PSG11: variants seen among roughly 807,000 people sequenced by gnomAD.
PSG11 encodes pregnancy specific beta-1-glycoprotein 11.
PSG11 carries 42 observed loss-of-function variants against 36.0 expected under a neutral mutation model. That is an observed-to-expected ratio of 1.17 (90% CI 0.91 to 1.51). The LOEUF (loss-of-function observed/expected upper bound fraction) is 1.51, where lower values mean the gene tolerates loss of function less well. Among genes scored for constraint, PSG11 ranks in the 40% most tolerant of loss-of-function variants. The pLI is 0.00. For synonymous variants in PSG11, 206 were observed against 153.5 expected, an observed-to-expected ratio of 1.34 and a Z score of -2.53; for missense variants, 558 against 403.5, an observed-to-expected ratio of 1.38 and a Z score of -3.28.
intron 2 of PSG11, 188 bp downstream of exon 2, chr19:43,024,503 C>A (rs1238127855): frequency 2.7e-6 from 3 of 1,110,106 alleles, no homozygotes; most frequent in Middle Eastern, 2.7e-4. Context: ...GGTCTGGATG[C>A]GGGAAAGGAA....
intron 3 of PSG11, chr19:43,018,525 C>T (rs1967021496): frequency 1.1e-6 from 1 of 909,650 alleles, no homozygotes; most frequent in Non-Finnish European, 1.6e-6. Context: ...CTGAGACATT[C>T]ACCTGTTTCT....
chr19:43,020,952 G>A (rs1438544067), intron 2 of PSG11, among the ~76,000 whole-genome samples: 32 of 151,376 alleles, frequency 2.1e-4, no homozygotes, highest in Admixed American at 2.1e-3. Context: ...AGGAGTCTAA[G>A]TGAGATGCCA....
intron 3 of PSG11, 115 bp from the exon 4 acceptor site, chr19:43,015,485 C>A (rs1966939473): frequency 1.4e-6 from 2 of 1,391,498 alleles, no homozygotes; most frequent in Non-Finnish European, 2.0e-6. Flanking sequence ...AAGTCCCAGC[C>A]AAACCCCCTC....
intron 2 of PSG11, among the ~76,000 whole-genome samples, chr19:43,022,408 C>G (rs1008281273): frequency 6.6e-6 from 1 of 151,190 alleles, no homozygotes; most frequent in Admixed American, 6.6e-5. Context: ...TCCCTCCGCC[C>G]GCATGATTCC....
chr19:43,015,962 T>G, intron 3 of PSG11: 13 of 1,610,084 alleles, frequency 8.1e-6, no homozygotes, highest in Non-Finnish European at 1.1e-5. Flanking sequence ...TTCTCACTCT[T>G]AGGTTCACAG....
chr19:43,010,641 C>G (rs1156263055), intron 4 of PSG11: 10 of 280,686 alleles, frequency 3.6e-5, no homozygotes, highest in Non-Finnish European at 6.9e-5. Flanking sequence ...CTTTCTCTTT[C>G]TTTTTCACAG....
At position 43,019,694 on chromosome 19, in the gene PSG11, G is replaced by T. The variant is rs966056685; in HGVS notation, c.431-646C>A. On this transcript the variant is annotated intron_variant, in intron 2 of 5. Transcript: ENST00000320078. ...TGAGCCAGTGACCTCTAAAGATAGA[G>T]CAGAGTCCAAGGAATGACCTACAAA... 12 of 154,790 alleles carry T rather than the reference G, an allele frequency of 7.8e-5. 1 individual carries two copies. The highest frequency in any genetic ancestry group is 3.1e-4 in the Admixed American group (5 of 16,162). 9.6% of individuals were successfully genotyped at this position (154,790 alleles called of 1,614,324 possible). A position where few individuals can be genotyped will look rare whatever the true frequency, so the allele number is the denominator to read the frequency against.
rs956105654 is a variant in PSG11, at chr19:43,007,787, T to C, written c.*296A>G. On this transcript the variant is annotated 3_prime_UTR_variant, in exon 6 of 6. Transcript: ENST00000320078. The stretch of plus-strand genomic sequence containing the variant: ...TACAAAAGTATACTTTACCAATTGC[T>C]GAAGAAAAAAATTCATAAATCTGGA... 59 of 275,370 alleles carry C rather than the reference T, an allele frequency of 2.1e-4. 1 individual carries two copies. Among genetic ancestry groups the C allele is most frequent in the Admixed American group, 1.1e-4 (2 of 18,358 alleles). 17.1% of individuals were successfully genotyped at this position (275,370 alleles called of 1,614,324 possible).
chr19:43,020,009 T>C (rs991124031), intron 2 of PSG11, among the ~76,000 whole-genome samples: 1 of 151,282 alleles, frequency 6.6e-6, no homozygotes, highest in Non-Finnish European at 1.5e-5. Flanking sequence ...ACCCTCTGAT[T>C]CTGAGTTTGA....
chr19:43,014,263 T>C, intron 4 of PSG11: 2 of 781,890 alleles, frequency 2.6e-6, no homozygotes, highest in Non-Finnish European at 3.1e-6. Flanking sequence ...ATATATATAG[T>C]GTCTGGTAGT....
rs1269574093 is a variant in PSG11 at position 43,024,724 on chromosome 19, C to G, written c.397G>C (p.Gly133Arg). ...HIIKRGDGTR[G>R]VTGYFTFTLY... The stretch of plus-strand genomic sequence containing the variant: ...GTGAAGGTGAAATATCCAGTTACTC[C>G]TCTAGTCCCATCACCTCGCTTTATG... The change falls in exon 2 of 6, where the codon GGA becomes CGA. Residue 133 changes from glycine (G) to arginine (R), a missense_variant. Physicochemically the swap from Gly to Arg is moderately radical, Grantham distance 125. Transcript: ENST00000320078. 2 of 1,611,428 alleles carry G rather than the reference C, an allele frequency of 1.2e-6. No homozygotes were observed. The highest frequency in any genetic ancestry group is 1.7e-6 in the Non-Finnish European group (2 of 1,178,808).
chr19:43,015,893 G>A (rs1481611500), intron 3 of PSG11: 19 of 1,610,010 alleles, frequency 1.2e-5, no homozygotes, highest in Admixed American at 5.0e-5. Context: ...TCAATGGGTC[G>A]CTTTACCCTG....
chr19:43,025,226 GTA>G (rs1001242571), intron 1 of PSG11, 170 bp from the exon 2 acceptor site: 26 of 1,199,256 alleles, frequency 2.2e-5, no homozygotes, highest in Admixed American at 1.0e-4. Context: ...GTGTGTTTGT[GTA>G]TGTGTATGTG....
At chr19:43,010,958 G>A (rs1166214047) in intron 4 of PSG11, among the ~76,000 whole-genome samples, 2 of 149,810 alleles carry the variant, frequency 1.3e-5, no homozygotes, top group African/African-American at 2.5e-5. Flanking sequence ...TATGTGCCAG[G>A]CCCTGTGCTA....
In PSG11 at chr19:43,013,453, A is replaced by G. The variant is rs982766159; in HGVS notation, c.964+1663T>C. Among the ~76,000 whole-genome samples the G allele has an allele frequency of 1.2e-4, 18 of 151,474 alleles. 1 individual carries two copies. The highest frequency in any genetic ancestry group is 2.7e-4 in the Non-Finnish European group (18 of 67,916). On this transcript the variant is annotated intron_variant, in intron 4 of 5. Transcript: ENST00000320078. ...CCAATTAAAAAATGAACAAAGGATT[A>G]AAATGGAGTTTTATCCAAGGAAGGA...
intron 2 of PSG11, among the ~76,000 whole-genome samples, chr19:43,021,192 A>C (rs1967093442): frequency 6.6e-6 from 1 of 151,324 alleles, no homozygotes; most frequent in Admixed American, 6.6e-5. Flanking sequence ...CAAAATATTA[A>C]ATATGAAGTT....
Position 43,016,163 on chromosome 19 carries a change from A to G in PSG11, c.710-793T>C, listed in dbSNP as rs574413701. ...AGCCCACCCGAGTCCTTGAAAGCCA[A>G]TAGCTGGTGCGTGTGTCACAAGACA... is the stretch of plus-strand genomic sequence containing the variant. On this transcript the variant is annotated intron_variant, in intron 3 of 5. Transcript: ENST00000320078. 121 of 1,436,508 alleles carry G rather than the reference A, an allele frequency of 8.4e-5. 4 individuals carry two copies. The highest frequency in any genetic ancestry group is 1.1e-4 in the Non-Finnish European group (118 of 1,065,008). The allele number at this position is 1,436,508 out of a possible 1,614,324, so 89.0% of individuals were successfully genotyped here.
At position 43,018,868 on chromosome 19, in the gene PSG11, A is replaced by T; in HGVS notation, c.611T>A (p.Leu204Gln). Residue 204 changes from leucine (L) to glutamine (Q), a missense_variant, in exon 3 of 6, where the codon CTA (leucine) becomes CAA (glutamine). Physicochemically the swap from Leu to Gln is moderately radical, Grantham distance 113. Coordinates refer to ENST00000320078, the MANE Select transcript of PSG11 (RefSeq NM_002785.3). ...TGCAGTATACTTTGTGACACCAAAT[A>T]GAAAGAGGGTCCTGTTGGTTTCAGA... is the stretch of plus-strand genomic sequence containing the variant. ...QLSETNRTLF[L>Q]FGVTKYTAGP... 1 of 1,612,102 alleles carries T rather than the reference A, an allele frequency of 6.2e-7. No individual in the cohort carries two copies. The highest frequency in any genetic ancestry group is 8.5e-7 in the Non-Finnish European group (1 of 1,179,072).
At chr19:43,022,335 C>T (rs1462908391) in intron 2 of PSG11, among the ~76,000 whole-genome samples, 2 of 151,342 alleles carry the variant, frequency 1.3e-5, no homozygotes, top group Middle Eastern at 3.2e-3. Flanking sequence ...ATACCTATGA[C>T]TAATGGCTCA....
Sources: gnomAD v4.1 joint callset for allele counts (sites outside exome capture counted in the v4.1 genomes callset) on GRCh38, gnomAD v4.1.1 for gene constraint, MANE v1.5 for transcripts, NCBI Gene and HGNC (gene_info 2026-07-23, HGNC 2026-07-21) for gene names.